The following UNC5B variants were observed in gnomAD, a reference collection of about 807,000 sequenced individuals.
The protein encoded by UNC5B is unc-5 netrin receptor B.
A neutral mutation model predicts 103.7 loss-of-function variants in UNC5B; 56 were observed. The ratio of observed to expected loss-of-function variants is 0.54; its 90% CI spans 0.44 to 0.67. UNC5B has a LOEUF of 0.67. UNC5B is among the 30% of genes least tolerant of loss of function. The pLI, the probability that UNC5B is intolerant of heterozygous loss-of-function variation, is 0.00. For missense variants in UNC5B, 1,194 were observed against 1,284.5 expected (o/e 0.93, Z 1.08); for synonymous variants, 577 against 542.0 (o/e 1.06, Z -0.90).
Position 71,302,827 on chromosome 10 carries a change from T to C in UNC5B, c.*3550T>C, listed in dbSNP as rs1845609759. ...AGCATTCCTATTGTAACAAAATTAA[T>C]TTTTATGAAATAAATTATATTTCCT... On this transcript the variant is annotated 3_prime_UTR_variant, in exon 17 of 17. Coordinates refer to ENST00000335350, the MANE Select transcript of UNC5B (RefSeq NM_170744.5). 1 of 152,226 alleles carries C rather than the reference T, an allele frequency of 6.6e-6. No individual in the cohort carries two copies. The highest frequency in any genetic ancestry group is 1.5e-5 in the Non-Finnish European group (1 of 68,034). 9.4% of individuals were successfully genotyped at this position (152,226 alleles called of 1,614,324 possible).
intron 1 of UNC5B, among the ~76,000 whole-genome samples, chr10:71,224,805 T>A (rs910179551): frequency 6.6e-6 from 1 of 152,228 alleles, no homozygotes; most frequent in Non-Finnish European, 1.5e-5. Context: ...GATTTTGGAT[T>A]GCTGGATCCC....
At chr10:71,271,019 G>A (rs1161848315) in intron 1 of UNC5B, among the ~76,000 whole-genome samples, 1 of 152,140 alleles carries the variant, frequency 6.6e-6, no homozygotes, top group African/African-American at 2.4e-5. Context: ...GAGGGGGCTT[G>A]CCACCTGTCA....
intron 1 of UNC5B, among the ~76,000 whole-genome samples, chr10:71,261,399 T>A (rs1310168611): frequency 6.6e-6 from 1 of 152,152 alleles, no homozygotes; most frequent in Non-Finnish European, 1.5e-5. Context: ...TAGACTAGAT[T>A]GACTCTATAG....
At chr10:71,269,132 G>T (rs1054440171) in intron 1 of UNC5B, among the ~76,000 whole-genome samples, 2 of 152,136 alleles carry the variant, frequency 1.3e-5, no homozygotes, top group African/African-American at 4.8e-5. Context: ...AACTTACATG[G>T]TGAGACCAGA....
At chr10:71,269,347 C>CCCCA (rs1554865175) in intron 1 of UNC5B, among the ~76,000 whole-genome samples, 2 of 142,208 alleles carry the variant, frequency 1.4e-5, no homozygotes, top group Non-Finnish European at 3.1e-5. Flanking sequence ...ATGAAGTCCC[C>CCCCA]CCCCCACAAC....
intron 15 of UNC5B, among the ~76,000 whole-genome samples, chr10:71,297,532 GC>G (rs1228494932): frequency 1.3e-5 from 2 of 152,234 alleles, no homozygotes; most frequent in African/African-American, 4.8e-5. Context: ...ACCCAGGTCT[GC>G]CACTAACTTG....
Position 71,291,120 on chromosome 10 carries a change from G to T in UNC5B, c.1294+11G>T. Reference sequence around the variant, plus strand: ...AGACGGCAAGGCCCAGTAAGAACCCGAGGATGTCTGGGGTGGTTGGCAGAG... The same window carrying T: ...AGACGGCAAGGCCCAGTAAGAACCCTAGGATGTCTGGGGTGGTTGGCAGAG... On this transcript the variant is annotated intron_variant, in intron 9 of 16. Coordinates refer to ENST00000335350, the MANE Select transcript of UNC5B (RefSeq NM_170744.5). 1 of 1,608,724 alleles carries T rather than the reference G, an allele frequency of 6.2e-7. No homozygotes were observed. The highest frequency in any genetic ancestry group is 1.7e-5 in the Admixed American group (1 of 59,786).
chr10:71,245,811 G>A lies in UNC5B; in HGVS notation c.79+32747G>A, dbSNP rs796781069. Among the ~76,000 whole-genome samples, 8 of 152,286 alleles carry A rather than the reference G, an allele frequency of 5.3e-5. 1 individual carries two copies. The highest frequency in any genetic ancestry group is 4.2e-4 in the South Asian group (2 of 4,818). ...CTCAGGTGGGGTGCCACAAGCTGGT[G>A]TCCTCCCGTTCCATTGTGACCCGGC... is the stretch of plus-strand genomic sequence containing the variant. On this transcript the variant is annotated intron_variant, in intron 1 of 16. Coordinates refer to ENST00000335350, the MANE Select transcript of UNC5B (RefSeq NM_170744.5).
chr10:71,231,566 A>T (rs554465411), intron 1 of UNC5B, among the ~76,000 whole-genome samples: 1 of 152,300 alleles, frequency 6.6e-6, no homozygotes, highest in African/African-American at 2.4e-5. Context: ...AAATGCTCAG[A>T]ACGGTGCCCA....
In UNC5B at chr10:71,291,539, A is replaced by T. The variant is rs1167987842; in HGVS notation, c.1402A>T (p.Met468Leu). 1 of 1,614,114 alleles carries T rather than the reference A, an allele frequency of 6.2e-7. No individual in the cohort carries two copies. The highest frequency in any genetic ancestry group is 8.5e-7 in the Non-Finnish European group (1 of 1,180,004). ...GCAGGACTCCACCGACAAAATCCCC[A>T]TGACCAACTCTCCTCTGCTGGACCC... ...ALQDSTDKIP[M>L]TNSPLLDPLP... The change falls in exon 10 of 17, where the codon ATG becomes TTG. Residue 468 changes from methionine to leucine, a missense_variant. By Grantham distance (15) the Met-to-Leu change is conservative (BLOSUM62 2). Transcript: ENST00000335350.
Position 71,292,316 on chromosome 10 carries a change from C to G in UNC5B, c.1685-151C>G, listed in dbSNP as rs934285189. On this transcript the variant is annotated intron_variant, in intron 10 of 16. Transcript: ENST00000335350. ...TCAGTGGCCTGGCCTCTGCTTGCAT[C>G]CAGTCCCCAGACCCTGTCTCCCACC... 5 of 653,066 alleles carry G rather than the reference C, an allele frequency of 7.7e-6. No homozygotes were observed. The African/African-American group carries it at 9.2e-5, about 12-fold the overall frequency. The allele number at this position is 653,066 out of a possible 1,614,324, so 40.5% of individuals were successfully genotyped here. A position where few individuals can be genotyped will look rare whatever the true frequency, so the allele number is the denominator to read the frequency against.
chr10:71,213,207 C>G lies in UNC5B; in HGVS notation c.79+143C>G. On this transcript the variant is annotated intron_variant, in intron 1 of 16. Coordinates refer to ENST00000335350, the MANE Select transcript of UNC5B (RefSeq NM_170744.5). This position sits in a 1 kb window ranked among gnomAD's most constrained non-coding sequence, Gnocchi z 4.1. ...CCAAGTTAGAATGTAGATTTTACTG[C>G]CTCCCAAAGTGGGCAATGGCGCATC... 1.6e-6 allele frequency: 1 copy of G among 630,650 alleles called. No homozygotes were observed. Among genetic ancestry groups the G allele is most frequent in the Non-Finnish European group, 2.3e-6 (1 of 437,344 alleles). 39.1% of individuals were successfully genotyped at this position (630,650 alleles called of 1,614,324 possible). A position where few individuals can be genotyped will look rare whatever the true frequency, so the allele number is the denominator to read the frequency against.
rs756544861 is a variant in UNC5B, at chr10:71,284,733, C to T, written c.318C>T (p.Arg106=). 34 of 1,613,682 alleles carry T rather than the reference C, an allele frequency of 2.1e-5. No homozygotes were observed. Among genetic ancestry groups the T allele is most frequent in the African/African-American group, 2.7e-5 (2 of 74,906 alleles). ...GLDEATGLRV[R]EVQIEVSRQQ... ...TTCTCCTCCCAGGCCTGCGGGTGCGCGAGGTGCAGATCGAGGTGTCGCGGC... is the reference window on the plus strand; with the variant it reads ...TTCTCCTCCCAGGCCTGCGGGTGCGTGAGGTGCAGATCGAGGTGTCGCGGC... The change falls in exon 3 of 17, where the codon CGC becomes CGT. Residue 106 remains arginine, a synonymous_variant. Coordinates refer to ENST00000335350, the MANE Select transcript of UNC5B (RefSeq NM_170744.5).
intron 1 of UNC5B, among the ~76,000 whole-genome samples, chr10:71,229,671 G>A (rs1564707877): frequency 6.6e-6 from 1 of 152,210 alleles, no homozygotes; most frequent in Non-Finnish European, 1.5e-5. Flanking sequence ...GGACCTTGGG[G>A]CATCTCCCTC....
chr10:71,235,067 C>T (rs1451011259), intron 1 of UNC5B, among the ~76,000 whole-genome samples: 1 of 152,104 alleles, frequency 6.6e-6, no homozygotes, highest in Admixed American at 6.5e-5. Flanking sequence ...GCCCCTATTG[C>T]AGGACTCGCT....
intron 1 of UNC5B, among the ~76,000 whole-genome samples, chr10:71,260,043 G>A (rs1844380501): frequency 1.3e-5 from 2 of 152,220 alleles, no homozygotes; most frequent in Non-Finnish European, 2.9e-5. Flanking sequence ...CATCATGGTA[G>A]CTCCTGGTGG....
chr10:71,247,962 G>A (rs965309077), intron 1 of UNC5B, among the ~76,000 whole-genome samples: 5 of 152,174 alleles, frequency 3.3e-5, no homozygotes, highest in Non-Finnish European at 5.9e-5. Context: ...TTGGCAAGCT[G>A]CTGATTCACC....
intron 1 of UNC5B, among the ~76,000 whole-genome samples, chr10:71,226,806 A>T (rs1016720605): frequency 6.6e-6 from 1 of 152,232 alleles, no homozygotes; most frequent in Admixed American, 6.5e-5. Flanking sequence ...TCATATTATT[A>T]TCTTCATAGA....
At chr10:71,216,919 C>G (rs1254058287) in intron 1 of UNC5B, among the ~76,000 whole-genome samples, 1 of 152,194 alleles carries the variant, frequency 6.6e-6, no homozygotes, top group Non-Finnish European at 1.5e-5. Context: ...GCAGGCAGCC[C>G]GTCTTTTGAC....
Sources: gnomAD v4.1 joint callset for allele counts (sites outside exome capture counted in the v4.1 genomes callset) on GRCh38, gnomAD v4.1.1 for gene constraint, Gnocchi (gnomAD v3.1) non-coding constraint, MANE v1.5 for transcripts, NCBI Gene and HGNC (gene_info 2026-07-23, HGNC 2026-07-21) for gene names.